NRXN1: variants seen among roughly 807,000 people sequenced by gnomAD.
The protein encoded by NRXN1 is neurexin-1.
In NRXN1, 39 loss-of-function variants were observed where a neutral mutation model predicts 150.9. That is an observed-to-expected ratio of 0.26 (90% CI 0.20 to 0.34). The LOEUF (loss-of-function observed/expected upper bound fraction) is 0.34, where lower values mean the gene tolerates loss of function less well. Ranked by LOEUF, NRXN1 falls within the 10% of genes least tolerant of loss-of-function variation. The pLI is 1.00. For missense variants in NRXN1, 1,815 were observed against 1,949.9 expected (o/e 0.93, Z 1.30); for synonymous variants, 924 against 757.0 (o/e 1.22, Z -3.62).
At chr2:50,111,656 A>T (rs1702396293) in intron 18 of NRXN1, among the ~76,000 whole-genome samples, 1 of 151,942 alleles carries the variant, frequency 6.6e-6, no homozygotes, top group Admixed American at 6.6e-5. Context: ...AGAAAAAAAA[A>T]AGTTACTCTC....
At chr2:50,434,043 A>ATTTTTTTT (rs748364051) in intron 17 of NRXN1, among the ~76,000 whole-genome samples, 2 of 72,154 alleles carry the variant, frequency 2.8e-5, no homozygotes. Context: ...TATCTAAGCC[A>ATTTTTTTT]TTTTTTTTTT....
chr2:50,160,764 T>G (rs1038352583), intron 18 of NRXN1, among the ~76,000 whole-genome samples: 4 of 152,190 alleles, frequency 2.6e-5, no homozygotes, highest in African/African-American at 9.6e-5. Flanking sequence ...TTTTCGGTAG[T>G]GTTCATTTGT....
Position 50,586,154 on chromosome 2 carries a change from C to A in NRXN1, c.1321-33129G>T, listed in dbSNP as rs1673062349. Among the ~76,000 whole-genome samples, 4 of 152,198 alleles carry A rather than the reference C, an allele frequency of 2.6e-5. No individual in the cohort carries two copies. The South Asian group carries it at 8.3e-4, about 32-fold the overall frequency. ...GTATGTCTGAAATGCCCCAAACCTA[C>A]TTACCCTCCAGGGTGTTTGCACTTG... is the stretch of plus-strand genomic sequence containing the variant. On this transcript the variant is annotated intron_variant, in intron 8 of 22. Coordinates refer to ENST00000401669, the MANE Select transcript of NRXN1 (RefSeq NM_001330078.2).
At chr2:50,159,233 G>T (rs2059217686) in intron 18 of NRXN1, among the ~76,000 whole-genome samples, 1 of 152,144 alleles carries the variant, frequency 6.6e-6, no homozygotes, top group East Asian at 1.9e-4. Context: ...ATAACCAACA[G>T]ATGCTCAAAA....
intron 18 of NRXN1, among the ~76,000 whole-genome samples, chr2:50,111,905 A>G (rs1318146222): frequency 1.3e-5 from 2 of 152,112 alleles, no homozygotes; most frequent in Non-Finnish European, 2.9e-5. Flanking sequence ...AGCACAATAC[A>G]CTAACTTCAA....
At chr2:50,312,423 GTT>G (rs1156805367) in intron 17 of NRXN1, among the ~76,000 whole-genome samples, 1 of 146,760 alleles carries the variant, frequency 6.8e-6, no homozygotes, top group Non-Finnish European at 1.5e-5. Context: ...TTCTTTGTGG[GTT>G]TTTTTTTTTC....
chr2:50,377,304 G>A (rs1344729708), intron 17 of NRXN1, among the ~76,000 whole-genome samples: 1 of 151,986 alleles, frequency 6.6e-6, no homozygotes, highest in Non-Finnish European at 1.5e-5. Flanking sequence ...GTGGCCATGT[G>A]TTCTCATTGT....
At chr2:50,434,748 T>C (rs2085284169) in intron 17 of NRXN1, among the ~76,000 whole-genome samples, 1 of 152,244 alleles carries the variant, frequency 6.6e-6, no homozygotes. Flanking sequence ...GTAATTTTAT[T>C]GTCTATCTTG....
rs1007662754 is a variant in NRXN1, at chr2:51,028,565, G to T, written c.-292C>A. On this transcript the variant is annotated 5_prime_UTR_variant, in exon 2 of 23. Coordinates refer to ENST00000401669, the MANE Select transcript of NRXN1 (RefSeq NM_001330078.2). The stretch of plus-strand genomic sequence containing the variant: ...GATGCACTTTGGAGACAACGTTCTG[G>T]AAAAGGCTTCAACAAAAGATCAAGG... 8.7e-6 allele frequency: 3 copies of T among 346,010 alleles called. No individual in the cohort carries two copies. Among genetic ancestry groups the T allele is most frequent in the African/African-American group, 2.1e-5 (1 of 47,468 alleles). The allele number at this position is 346,010 out of a possible 1,614,324, so 21.4% of individuals were successfully genotyped here. A position where few individuals can be genotyped will look rare whatever the true frequency, so the allele number is the denominator to read the frequency against.
At chr2:50,911,313 T>C (rs1684484907) in intron 5 of NRXN1, among the ~76,000 whole-genome samples, 1 of 151,810 alleles carries the variant, frequency 6.6e-6, no homozygotes, top group Non-Finnish European at 1.5e-5. Context: ...GAGCTTGACC[T>C]TATCACCCTC....
chr2:50,803,972 T>C (rs1667177251), intron 5 of NRXN1, among the ~76,000 whole-genome samples: 1 of 152,176 alleles, frequency 6.6e-6, no homozygotes, highest in African/African-American at 2.4e-5. Flanking sequence ...TTGTTGCATT[T>C]TCCTTCAAAT....
intron 2 of NRXN1, among the ~76,000 whole-genome samples, chr2:50,976,194 C>CTTTTTT (rs576892115): frequency 7.2e-6 from 1 of 139,770 alleles, no homozygotes. Context: ...TTATGTTATT[C>CTTTTTT]TTTTTTTTTT....
At chr2:50,583,297 C>T (rs1469243469) in intron 8 of NRXN1, among the ~76,000 whole-genome samples, 2 of 152,136 alleles carry the variant, frequency 1.3e-5, no homozygotes, top group African/African-American at 2.4e-5. Context: ...TTGCCTCAGC[C>T]TCCCAAACTG....
chr2:49,993,821 C>T (rs999341493), intron 21 of NRXN1, among the ~76,000 whole-genome samples: 1 of 152,152 alleles, frequency 6.6e-6, no homozygotes, highest in Non-Finnish European at 1.5e-5. Flanking sequence ...TGAATTCTGT[C>T]CCAAAATACC....
intron 18 of NRXN1, among the ~76,000 whole-genome samples, chr2:50,169,556 T>G (rs765718661): frequency 1.3e-5 from 2 of 151,444 alleles, no homozygotes; most frequent in Non-Finnish European, 2.9e-5. Flanking sequence ...CTACTAAAAA[T>G]ACGAAAATTA....
chr2:50,640,534 A>G (rs1683924220), intron 5 of NRXN1, among the ~76,000 whole-genome samples: 2 of 152,158 alleles, frequency 1.3e-5, no homozygotes, highest in Non-Finnish European at 2.9e-5. Context: ...TTACATTATC[A>G]GACTGACCTT....
chr2:50,402,315 T>TA (rs1356991049), intron 17 of NRXN1, among the ~76,000 whole-genome samples: 1 of 152,036 alleles, frequency 6.6e-6, no homozygotes, highest in African/African-American at 2.4e-5. Context: ...ATGGTAGACT[T>TA]ATTTGCTACA....
chr2:50,552,445 G>C, intron 9 of NRXN1, 142 bp downstream of exon 9: 1 of 649,966 alleles, frequency 1.5e-6, no homozygotes. Flanking sequence ...GTGTGAAACA[G>C]AAGCAATATC....
intron 5 of NRXN1, among the ~76,000 whole-genome samples, chr2:50,860,258 GAA>G (rs370246861): frequency 2.8e-5 from 4 of 141,650 alleles, no homozygotes; most frequent in East Asian, 4.2e-4. Context: ...AACAACATCA[GAA>G]AAAAAAAAAA....
Sources: allele counts gnomAD v4.1 joint callset (sites outside exome capture counted in the v4.1 genomes callset), GRCh38; gene constraint gnomAD v4.1.1; transcripts MANE v1.5; gene names NCBI Gene and HGNC (gene_info 2026-07-23, HGNC 2026-07-21).